XPO4: variants seen among roughly 807,000 people sequenced by gnomAD.
XPO4 encodes the protein exportin 4.
In XPO4, 39 loss-of-function variants were observed where a neutral mutation model predicts 143.0. The ratio of observed to expected loss-of-function variants is 0.27; its 90% CI spans 0.21 to 0.36. The LOEUF is 0.36. Ranked by LOEUF, XPO4 falls within the 10% of genes least tolerant of loss-of-function variation. The pLI is 1.00. For synonymous variants in XPO4, 439 were observed against 474.0 expected (o/e 0.93, Z 0.96); for missense variants, 907 against 1,348.0 (o/e 0.67, Z 5.12).
Position 20,788,472 on chromosome 13 carries a change from C to A in XPO4, c.3047+14G>T. On this transcript the variant is annotated intron_variant, in intron 20 of 22. Transcript: ENST00000255305. ...CCAAGTAACAAGTAACAGTGATGTTCATTTAAAGGATATGATGTCATTCCT... is the reference window on the plus strand; with the variant it reads ...CCAAGTAACAAGTAACAGTGATGTTAATTTAAAGGATATGATGTCATTCCT... 1 of 1,605,658 alleles carries A rather than the reference C, an allele frequency of 6.2e-7. No homozygotes were observed. Among genetic ancestry groups the A allele is most frequent in the South Asian group, 1.1e-5 (1 of 88,310 alleles).
chr13:20,902,265 C>T (rs1157778811), intron 1 of XPO4: 1 of 985,242 alleles, frequency 1.0e-6, no homozygotes, highest in African/African-American at 1.7e-5. Flanking sequence ...CCATCCAATC[C>T]CTCCCGACAC....
At chr13:20,800,737 C>G in intron 14 of XPO4, 94 bp downstream of exon 14, 1 of 1,475,514 alleles carries the variant, frequency 6.8e-7, no homozygotes, top group Non-Finnish European at 9.2e-7. Context: ...TTAAACAGTT[C>G]TATTTTGATG....
At chr13:20,794,289 T>C (rs933193692) in intron 18 of XPO4, among the ~76,000 whole-genome samples, 16 of 152,110 alleles carry the variant, frequency 1.1e-4, no homozygotes, top group African/African-American at 3.9e-4. Flanking sequence ...TTTCTAGAGT[T>C]AGTAGGTCTG....
intron 1 of XPO4, chr13:20,901,993 C>G: frequency 1.3e-6 from 1 of 798,988 alleles, no homozygotes; most frequent in South Asian, 5.7e-5. Flanking sequence ...TCTCATCAAA[C>G]TGCTTATTGT....
chr13:20,839,045 C>T (rs1289675039), intron 6 of XPO4, among the ~76,000 whole-genome samples: 8 of 152,144 alleles, frequency 5.3e-5, no homozygotes, highest in African/African-American at 1.9e-4. Context: ...AGGCAGATCA[C>T]TTGAGGACAG....
chr13:20,880,275 T>C (rs2060394946), intron 1 of XPO4, among the ~76,000 whole-genome samples: 1 of 151,196 alleles, frequency 6.6e-6, no homozygotes, highest in African/African-American at 2.4e-5. Context: ...CTACTAAAAA[T>C]ACAAAAATTA....
rs2059112142 is a variant in XPO4 at position 20,779,071 on chromosome 13, T to C, written c.*4651A>G. 6.6e-6 allele frequency: 1 copy of C among 152,180 alleles called. No homozygotes were observed. Among genetic ancestry groups the C allele is most frequent in the Non-Finnish European group, 1.5e-5 (1 of 68,034 alleles). 9.4% of individuals were successfully genotyped at this position (152,180 alleles called of 1,614,324 possible). A position where few individuals can be genotyped will look rare whatever the true frequency, so the allele number is the denominator to read the frequency against. ...CCTTCATTAGTTATGTTAATAGAGGTAAATATTTAAACAGTACACTCATCC... is the reference window on the plus strand; with the variant it reads ...CCTTCATTAGTTATGTTAATAGAGGCAAATATTTAAACAGTACACTCATCC... On this transcript the variant is annotated 3_prime_UTR_variant, in exon 23 of 23. Transcript: ENST00000255305.
intron 18 of XPO4, among the ~76,000 whole-genome samples, chr13:20,792,437 CG>C (rs2059296333): frequency 6.6e-6 from 1 of 151,924 alleles, no homozygotes; most frequent in African/African-American, 2.4e-5. Flanking sequence ...CTAAAAAAGG[CG>C]GGCACCTATA....
chr13:20,815,297 T>C (rs2059634826), intron 9 of XPO4, among the ~76,000 whole-genome samples: 2 of 152,156 alleles, frequency 1.3e-5, no homozygotes, highest in South Asian at 4.2e-4. Context: ...GTGAACCCTA[T>C]GTACACTATG....
At chr13:20,794,041 C>A (rs538909601) in intron 18 of XPO4, among the ~76,000 whole-genome samples, 2 of 152,272 alleles carry the variant, frequency 1.3e-5, no homozygotes, top group South Asian at 4.1e-4. Context: ...ACAATCATTT[C>A]TCTAAATGTT....
rs146811823 is a variant in XPO4, at chr13:20,803,594, T to C, written c.1818-2604A>G. On this transcript the variant is annotated intron_variant, in intron 13 of 22. Transcript: ENST00000255305. This position sits in a 1 kb window ranked among gnomAD's most constrained non-coding sequence, Gnocchi z 4.1. ...CCCTTTAAATTTATCACCCATGGAA[T>C]AGTATCTCTAAAATATTTTGATCAC... is the stretch of plus-strand genomic sequence containing the variant. 1.8e-4 allele frequency among the ~76,000 whole-genome samples: 28 copies of C among 152,302 alleles called. No homozygotes were observed. The highest frequency in any genetic ancestry group is 5.8e-4 in the East Asian group (3 of 5,178).
At chr13:20,886,864 A>G (rs7330524) in intron 1 of XPO4, among the ~76,000 whole-genome samples, 124,484 of 151,862 alleles carry the variant, frequency 0.82, 51,193 homozygotes, top group East Asian at 1. Flanking sequence ...ACCTGAGGTC[A>G]GGAGTTCGAG....
intron 6 of XPO4, among the ~76,000 whole-genome samples, chr13:20,841,269 C>T (rs1427105975): frequency 6.6e-6 from 1 of 152,142 alleles, no homozygotes; most frequent in Non-Finnish European, 1.5e-5. Flanking sequence ...TGAATCCAAT[C>T]TCTCTCCCCA....
At position 20,872,546 on chromosome 13, in the gene XPO4, T is replaced by C. The variant is rs1043272045; in HGVS notation, c.70-3845A>G. ...GCATTTAGGATACGAGGCATTATTTTAGATAGATACATACACAAGAAAGAA... is the reference window on the plus strand; with the variant it reads ...GCATTTAGGATACGAGGCATTATTTCAGATAGATACATACACAAGAAAGAA... On this transcript the variant is annotated intron_variant, in intron 1 of 22. Coordinates refer to ENST00000255305, the MANE Select transcript of XPO4 (RefSeq NM_022459.5). 2.6e-5 allele frequency among the ~76,000 whole-genome samples: 4 copies of C among 152,126 alleles called. No individual in the cohort carries two copies. In the South Asian group the frequency reaches 8.3e-4, roughly 32 times the overall value.
intron 2 of XPO4, among the ~76,000 whole-genome samples, chr13:20,863,810 T>G (rs868186905): frequency 3.9e-5 from 6 of 152,152 alleles, no homozygotes; most frequent in Non-Finnish European, 7.4e-5. Context: ...CATGAGAAAT[T>G]ATCTCTAGGC....
chr13:20,822,502 G>A (rs2059733025), intron 7 of XPO4, among the ~76,000 whole-genome samples: 1 of 152,098 alleles, frequency 6.6e-6, no homozygotes, highest in Non-Finnish European at 1.5e-5. Flanking sequence ...TTAACTGAGG[G>A]CTACCTACAT....
intron 1 of XPO4, among the ~76,000 whole-genome samples, chr13:20,899,823 A>G (rs1270151403): frequency 6.6e-6 from 1 of 152,226 alleles, no homozygotes; most frequent in African/African-American, 2.4e-5. Context: ...ATTTTCCATA[A>G]GATATATTCA....
At chr13:20,791,113 A>T (rs1345845962) in intron 18 of XPO4, among the ~76,000 whole-genome samples, 8 of 151,290 alleles carry the variant, frequency 5.3e-5, no homozygotes, top group Non-Finnish European at 8.9e-5. Context: ...CATATGAATT[A>T]TATATATATA....
chr13:20,821,902 T>A (rs2059724366), intron 8 of XPO4, 24 bp from the exon 9 acceptor site: 1 of 1,581,696 alleles, frequency 6.3e-7, no homozygotes, highest in African/African-American at 1.4e-5. Context: ...ATGAGTATTA[T>A]TAAGTGGCAG....
Sources: gnomAD v4.1 joint callset for allele counts (sites outside exome capture counted in the v4.1 genomes callset) on GRCh38, gnomAD v4.1.1 for gene constraint, Gnocchi (gnomAD v3.1) non-coding constraint, MANE v1.5 for transcripts, NCBI Gene and HGNC (gene_info 2026-07-23, HGNC 2026-07-21) for gene names.